Variants in DPP6 observed in about 807,000 individuals in gnomAD.
The protein encoded by DPP6 is dipeptidyl peptidase like 6, also known as A-type potassium channel modulatory protein DPP6.
Under a neutral mutation model 122.6 loss-of-function variants are expected in DPP6, and 69 were observed. The observed-to-expected ratio is 0.56, with a 90% CI of 0.46 to 0.69. DPP6 has a LOEUF of 0.69. DPP6 is among the 30% of genes least tolerant of loss of function. The pLI is 0.00. For missense variants in DPP6, 928 were observed against 1,116.9 expected (o/e 0.83, Z 2.41); for synonymous variants, 418 against 433.1 (o/e 0.97, Z 0.43).
chr7:154,263,024 C>T (rs898229365), intron 1 of DPP6, among the ~76,000 whole-genome samples: 5 of 152,232 alleles, frequency 3.3e-5, no homozygotes, highest in African/African-American at 1.2e-4. Context: ...TATAGCGTTA[C>T]TGACTCCGTA....
chr7:154,278,290 TTGAC>T (rs1195596135), intron 1 of DPP6, among the ~76,000 whole-genome samples: 1 of 152,182 alleles, frequency 6.6e-6, no homozygotes, highest in Non-Finnish European at 1.5e-5. Flanking sequence ...TCAGAACCCT[TTGAC>T]TGAGGAACAG....
chr7:153,950,347 G>A (rs72617385), intron 1 of DPP6, among the ~76,000 whole-genome samples: 1 of 151,994 alleles, frequency 6.6e-6, no homozygotes, highest in Non-Finnish European at 1.5e-5. Context: ...TGGAATGTTA[G>A]GTGTGAGACA....
rs149251602 is a variant in DPP6 at position 154,159,846 on chromosome 7, C to T, written c.243+106783C>T. ...TCAGATGGCCAGTCGCAGTGTCTCACACCTGTAATCCCAGCACTTTGGAAG... is the reference window on the plus strand; with the variant it reads ...TCAGATGGCCAGTCGCAGTGTCTCATACCTGTAATCCCAGCACTTTGGAAG... On this transcript the variant is annotated intron_variant, in intron 1 of 25. Coordinates refer to ENST00000377770, the MANE Select transcript of DPP6 (RefSeq NM_130797.4). 6.8e-3 allele frequency among the ~76,000 whole-genome samples: 1,038 copies of T among 151,980 alleles called. 12 individuals are homozygous for T. Among genetic ancestry groups the T allele is most frequent in the African/African-American group, 0.022 (905 of 41,390 alleles).
At chr7:154,247,088 G>A (rs117128321) in intron 1 of DPP6, among the ~76,000 whole-genome samples, 5,856 of 152,230 alleles carry the variant, frequency 0.038, 196 homozygotes, top group East Asian at 0.13. Context: ...CGAGGTCAGC[G>A]GATCATTTGA....
At chr7:154,123,464 A>G (rs950137493) in intron 1 of DPP6, among the ~76,000 whole-genome samples, 6 of 152,182 alleles carry the variant, frequency 3.9e-5, no homozygotes, top group African/African-American at 1.2e-4. Flanking sequence ...GGTATTTCAT[A>G]AACCAGGATA....
At chr7:154,175,528 C>T (rs1381527652) in intron 1 of DPP6, among the ~76,000 whole-genome samples, 1 of 152,110 alleles carries the variant, frequency 6.6e-6, no homozygotes, top group East Asian at 1.9e-4. Flanking sequence ...TGCACCGCCC[C>T]ACTCCCAGGC....
upstream of DPP6, among the ~76,000 whole-genome samples, chr7:153,884,987 AATATATAT>A (rs56329841): frequency 1.3e-3 from 149 of 116,462 alleles, 5 homozygotes; most frequent in East Asian, 0.012. Context: ...TCAAAACAAA[AATATATAT>A]ATATATATAT....
At chr7:154,020,994 A>G (rs1000697938) in intron 1 of DPP6, among the ~76,000 whole-genome samples, 3 of 152,130 alleles carry the variant, frequency 2.0e-5, no homozygotes, top group African/African-American at 7.2e-5. Flanking sequence ...GTCCACATGG[A>G]TGATGATGGG....
At chr7:154,078,974 C>T (rs1039713527) in intron 1 of DPP6, among the ~76,000 whole-genome samples, 1 of 143,838 alleles carries the variant, frequency 7.0e-6, no homozygotes, top group Non-Finnish European at 1.5e-5. Context: ...AAAAAAATAC[C>T]TGGGCCGGGT....
At chr7:154,782,257 A>G (rs1797072590) in intron 10 of DPP6, among the ~76,000 whole-genome samples, 1 of 152,230 alleles carries the variant, frequency 6.6e-6, no homozygotes, top group Admixed American at 6.5e-5. Context: ...CATTTCTTCC[A>G]GCTATCTTCG....
At chr7:154,813,914 C>G (rs553584626) in intron 16 of DPP6, among the ~76,000 whole-genome samples, 96 of 28,702 alleles carry the variant, frequency 3.3e-3, no homozygotes, top group Non-Finnish European at 5.3e-3. Flanking sequence ...GAGTTTTGTT[C>G]TTGTCACCCA....
chr7:153,945,850 A>G (rs1376787819), intron 1 of DPP6, among the ~76,000 whole-genome samples: 1 of 152,140 alleles, frequency 6.6e-6, no homozygotes, highest in Non-Finnish European at 1.5e-5. Context: ...TGCCGTGTTG[A>G]CTGAGTATGG....
chr7:154,444,176 G>C (rs1586289679), intron 1 of DPP6, among the ~76,000 whole-genome samples: 1 of 152,176 alleles, frequency 6.6e-6, no homozygotes, highest in Non-Finnish European at 1.5e-5. Flanking sequence ...AAAAAGGCTT[G>C]GCCAGGCGCG....
intron 1 of DPP6, among the ~76,000 whole-genome samples, chr7:154,176,140 T>C (rs140425848): frequency 1.3e-5 from 2 of 152,338 alleles, no homozygotes; most frequent in Non-Finnish European, 2.9e-5. Flanking sequence ...TTCTTAGAAA[T>C]GTGCCCTAAG....
chr7:154,117,756 G>T (rs4410823), intron 1 of DPP6, among the ~76,000 whole-genome samples: 2 of 149,464 alleles, frequency 1.3e-5, no homozygotes, highest in African/African-American at 4.9e-5. Context: ...AGTGGTGTGG[G>T]TGGGAGAATG....
chr7:154,043,355 T>C (rs187349509), intron 1 of DPP6, among the ~76,000 whole-genome samples: 1 of 118,296 alleles, frequency 8.5e-6, no homozygotes, highest in East Asian at 2.6e-4. Flanking sequence ...ATCATGCCAT[T>C]GCACTCCAGC....
At chr7:154,132,390 A>G (rs1795328933) in intron 1 of DPP6, among the ~76,000 whole-genome samples, 1 of 152,168 alleles carries the variant, frequency 6.6e-6, no homozygotes, top group Admixed American at 6.5e-5. Flanking sequence ...GGCACCTGCC[A>G]TGGGCCACTT....
intron 10 of DPP6, among the ~76,000 whole-genome samples, chr7:154,780,043 A>G (rs1233853334): frequency 3.3e-5 from 5 of 152,122 alleles, no homozygotes; most frequent in African/African-American, 9.7e-5. Flanking sequence ...AAATACTCAA[A>G]TGGATTCATC....
chr7:154,211,963 C>G (rs1585642997), intron 1 of DPP6, among the ~76,000 whole-genome samples: 1 of 121,518 alleles, frequency 8.2e-6, no homozygotes, highest in African/African-American at 2.6e-5. Context: ...CTCCTGTGGG[C>G]TTGTCACAGC....
Sources: gnomAD v4.1 joint callset for allele counts (sites outside exome capture counted in the v4.1 genomes callset) on GRCh38, gnomAD v4.1.1 for gene constraint, MANE v1.5 for transcripts, NCBI Gene and HGNC (gene_info 2026-07-23, HGNC 2026-07-21) for gene names.